Variants in PDE11A observed in about 807,000 individuals in gnomAD.
PDE11A encodes the protein dual 3',5'-cyclic-AMP and -GMP phosphodiesterase 11A.
Under a neutral mutation model 100.5 loss-of-function variants are expected in PDE11A, and 100 were observed. The observed-to-expected ratio is 1.00, with a 90% CI of 0.85 to 1.18. PDE11A has a LOEUF of 1.18. PDE11A is among the 50% of genes most tolerant of loss of function. The pLI is 0.00. For missense variants in PDE11A, 1,141 were observed against 1,152.6 expected (o/e 0.99, Z 0.15); for synonymous variants, 381 against 420.8 (o/e 0.91, Z 1.16).
intron 2 of PDE11A, among the ~76,000 whole-genome samples, chr2:178,013,701 A>G (rs2086298452): frequency 6.6e-6 from 1 of 152,228 alleles, no homozygotes; most frequent in African/African-American, 2.4e-5. Context: ...CAGTTCTTTG[A>G]GGACTCTCTC....
At chr2:177,822,510 C>A (rs1470794398) in intron 6 of PDE11A, among the ~76,000 whole-genome samples, 1 of 152,036 alleles carries the variant, frequency 6.6e-6, no homozygotes, top group Non-Finnish European at 1.5e-5. Flanking sequence ...TGATAAGGCT[C>A]AGTATCTGGT....
chr2:177,898,159 T>A lies in PDE11A; in HGVS notation c.1201A>T (p.Thr401Ser), dbSNP rs746798781. The change falls in exon 4 of 20, where the codon ACT (threonine) becomes TCT (serine). Residue 401 changes from threonine (T) to serine (S), a missense_variant. Transcript: ENST00000286063. Reference protein sequence around the residue: ...EVVNDLFEEQTDLEKIVKKIM... With the variant: ...EVVNDLFEEQSDLEKIVKKIM... Reference sequence around the variant, plus strand: ...TTCTTGACAATTTTCTCCAGGTCAGTCTGTTCTTCAAAGAGGTCATTAACC... The same window carrying A: ...TTCTTGACAATTTTCTCCAGGTCAGACTGTTCTTCAAAGAGGTCATTAACC... The A allele has an allele frequency of 2.5e-6, 4 of 1,609,378 alleles. No individual in the cohort carries two copies. The highest frequency in any genetic ancestry group is 3.4e-6 in the Non-Finnish European group (4 of 1,175,646).
chr2:177,817,302 C>T (rs1380906968), intron 8 of PDE11A, among the ~76,000 whole-genome samples: 3 of 152,028 alleles, frequency 2.0e-5, no homozygotes, highest in East Asian at 3.9e-4. Context: ...GGTAAAGAAA[C>T]CAAGTTAATG....
At chr2:177,890,371 T>G (rs1470653610) in intron 4 of PDE11A, among the ~76,000 whole-genome samples, 17 of 152,330 alleles carry the variant, frequency 1.1e-4, no homozygotes, top group Non-Finnish European at 2.9e-5. Context: ...TCCCCGAGCC[T>G]GCCCAGGCAC....
At chr2:178,076,274 T>C (rs1169391399), upstream of PDE11A, among the ~76,000 whole-genome samples, 1 of 152,360 alleles carries the variant, frequency 6.6e-6, no homozygotes, top group South Asian at 2.1e-4. Context: ...TTCCTATTTG[T>C]ATTTTTCAAG....
intron 9 of PDE11A, among the ~76,000 whole-genome samples, chr2:177,792,004 C>T (rs1231540565): frequency 1.3e-5 from 2 of 152,112 alleles, no homozygotes; most frequent in Admixed American, 6.6e-5. Flanking sequence ...CAGGCATTAA[C>T]ACTTAAAAAG....
chr2:177,698,992 T>C (rs2081158329), intron 14 of PDE11A, among the ~76,000 whole-genome samples: 1 of 152,204 alleles, frequency 6.6e-6, no homozygotes, highest in Admixed American at 6.5e-5. Flanking sequence ...ACAGTAAAAG[T>C]TAACATTGAG....
intron 9 of PDE11A, among the ~76,000 whole-genome samples, chr2:177,798,127 C>T (rs2082731611): frequency 6.6e-6 from 1 of 152,162 alleles, no homozygotes; most frequent in African/African-American, 2.4e-5. Flanking sequence ...TATGACTTTC[C>T]TTCTCCATGG....
chr2:177,750,510 A>G (rs1334440455), intron 10 of PDE11A, among the ~76,000 whole-genome samples: 1 of 152,228 alleles, frequency 6.6e-6, no homozygotes, highest in East Asian at 1.9e-4. Context: ...CCACTGGTGG[A>G]TGCCTCAGCT....
chr2:178,027,952 A>G (rs1357183367), intron 1 of PDE11A, among the ~76,000 whole-genome samples: 2 of 152,218 alleles, frequency 1.3e-5, no homozygotes, highest in Non-Finnish European at 2.9e-5. Flanking sequence ...TTAAACCAGT[A>G]AATATAAGTT....
intron 1 of PDE11A, among the ~76,000 whole-genome samples, chr2:178,041,452 C>T (rs2086682260): frequency 6.6e-6 from 1 of 151,840 alleles, no homozygotes; most frequent in Admixed American, 6.6e-5. Flanking sequence ...CCATAGTGGT[C>T]AGGCTGGTCT....
intron 2 of PDE11A, among the ~76,000 whole-genome samples, chr2:178,101,195 A>G (rs1035274954): frequency 4.6e-5 from 7 of 152,188 alleles, no homozygotes; most frequent in Non-Finnish European, 8.8e-5. Context: ...AACCTCATCG[A>G]CTTCAATAAT....
intron 3 of PDE11A, among the ~76,000 whole-genome samples, chr2:177,898,946 G>T (rs2084656495): frequency 6.6e-6 from 1 of 152,082 alleles, no homozygotes; most frequent in Non-Finnish European, 1.5e-5. Flanking sequence ...CATTTCTCTG[G>T]AGTCTGTATC....
intron 4 of PDE11A, among the ~76,000 whole-genome samples, chr2:177,882,606 AGTGGT>A (rs1478607522): frequency 2.0e-5 from 3 of 152,226 alleles, no homozygotes; most frequent in African/African-American, 7.2e-5. Flanking sequence ...AAATATCAGA[AGTGGT>A]TTCTAAATCA....
intron 9 of PDE11A, among the ~76,000 whole-genome samples, chr2:177,785,470 G>A (rs76422235): frequency 6.6e-6 from 1 of 152,236 alleles, no homozygotes; most frequent in African/African-American, 2.4e-5. Flanking sequence ...CAGAAGACGG[G>A]TGATTTCTGC....
At chr2:178,092,578 G>C (rs548328601) in intron 2 of PDE11A, 3 of 151,568 alleles carry the variant, frequency 2.0e-5, no homozygotes, top group African/African-American at 7.3e-5. Flanking sequence ...AAAAGGTCAT[G>C]TTAGTTCCAG....
chr2:177,884,785 G>A (rs1468860956), intron 4 of PDE11A, among the ~76,000 whole-genome samples: 1 of 152,184 alleles, frequency 6.6e-6, no homozygotes, highest in Non-Finnish European at 1.5e-5. Flanking sequence ...ATGTCCTAGT[G>A]AGAGATCAGT....
intron 10 of PDE11A, among the ~76,000 whole-genome samples, chr2:177,754,880 C>G (rs1326997539): frequency 6.6e-6 from 1 of 152,166 alleles, no homozygotes; most frequent in East Asian, 1.9e-4. Context: ...TCTAATGAGG[C>G]CAGGAAGTAG....
At chr2:177,935,682 T>A (rs1186385969) in intron 2 of PDE11A, among the ~76,000 whole-genome samples, 1 of 152,116 alleles carries the variant, frequency 6.6e-6, no homozygotes, top group Non-Finnish European at 1.5e-5. Flanking sequence ...GGCAGATCTG[T>A]TGGGGCAGGA....
Sources: gnomAD v4.1 joint callset for allele counts (sites outside exome capture counted in the v4.1 genomes callset) on GRCh38, gnomAD v4.1.1 for gene constraint, MANE v1.5 for transcripts, NCBI Gene and HGNC (gene_info 2026-07-23, HGNC 2026-07-21) for gene names.